ASB2: variants seen among roughly 807,000 people sequenced by gnomAD.
The protein encoded by ASB2 is ankyrin repeat and SOCS box containing 2.
A neutral mutation model predicts 62.4 loss-of-function variants in ASB2; 58 were observed. The observed-to-expected ratio is 0.93, with a 90% CI of 0.75 to 1.16. The LOEUF (loss-of-function observed/expected upper bound fraction) is 1.16, where lower values mean the gene tolerates loss of function less well. Ranked by LOEUF, ASB2 falls within the 50% of genes most tolerant of loss-of-function variation. The pLI is 0.00. For synonymous variants in ASB2, 386 were observed against 385.3 expected (o/e 1.00, Z -0.02); for missense variants, 928 against 887.9 (o/e 1.05, Z -0.57).
chr14:93,971,985 AATAACAT>A (rs1229462308), intron 1 of ASB2, among the ~76,000 whole-genome samples: 18 of 148,686 alleles, frequency 1.2e-4, no homozygotes, highest in South Asian at 2.1e-4. Context: ...ATACACACAT[AATAACAT>A]ATAACATATA....
chr14:93,952,043 T>C (rs1257899008), intron 5 of ASB2, among the ~76,000 whole-genome samples: 1 of 152,114 alleles, frequency 6.6e-6, no homozygotes, highest in Non-Finnish European at 1.5e-5. Flanking sequence ...TGTGTCCGTG[T>C]CAGTGGGAGG....
chr14:93,972,027 T>A (rs1889769560), intron 1 of ASB2, among the ~76,000 whole-genome samples: 1 of 148,176 alleles, frequency 6.7e-6, no homozygotes, highest in Non-Finnish European at 1.5e-5. Flanking sequence ...AATTATATAT[T>A]TTTATATTAA....
At chr14:93,952,074 G>A (rs945174499) in intron 5 of ASB2, among the ~76,000 whole-genome samples, 1 of 152,198 alleles carries the variant, frequency 6.6e-6, no homozygotes, top group African/African-American at 2.4e-5. Context: ...AATGGGTCAG[G>A]GAGACTGGCA....
At chr14:93,946,185 G>A (rs1440841621) in intron 7 of ASB2, among the ~76,000 whole-genome samples, 3 of 152,190 alleles carry the variant, frequency 2.0e-5, no homozygotes, top group Non-Finnish European at 4.4e-5. Context: ...CCTAGCCCTG[G>A]GGACGGGGCT....
At chr14:93,942,512 A>G (rs550258399) in intron 7 of ASB2, among the ~76,000 whole-genome samples, 1 of 152,318 alleles carries the variant, frequency 6.6e-6, no homozygotes, top group African/African-American at 2.4e-5. Flanking sequence ...ACCCACCAGT[A>G]TCTGAAGCCT....
chr14:93,951,392 G>A (rs1192450932), intron 5 of ASB2, 148 bp from the exon 6 acceptor site: 38 of 919,974 alleles, frequency 4.1e-5, no homozygotes, highest in Non-Finnish European at 4.2e-5. Context: ...CATTGAACCT[G>A]GGATAGGCGA....
At chr14:93,956,699 C>A in intron 3 of ASB2, 67 bp downstream of exon 3, 1 of 1,598,444 alleles carries the variant, frequency 6.3e-7, no homozygotes, top group East Asian at 2.2e-5. Context: ...CTGCTTCCCA[C>A]CCTCCCTGCC....
intron 2 of ASB2, among the ~76,000 whole-genome samples, chr14:93,960,933 C>T (rs1414688059): frequency 1.4e-5 from 2 of 147,790 alleles, no homozygotes; most frequent in African/African-American, 5.1e-5. Context: ...GATCCAGGCT[C>T]TAAGCTGGGC....
At chr14:93,966,380 C>T (rs1294207881) in intron 1 of ASB2, among the ~76,000 whole-genome samples, 1 of 152,198 alleles carries the variant, frequency 6.6e-6, no homozygotes, top group African/African-American at 2.4e-5. Flanking sequence ...AGAGTTATAA[C>T]AGAAAATCTG....
Position 93,956,820 on chromosome 14 carries a change from A to G in ASB2, c.257T>C (p.Phe86Ser). The G allele has an allele frequency of 6.2e-7, 1 of 1,614,196 alleles. No homozygotes were observed. The highest frequency in any genetic ancestry group is 2.2e-5 in the East Asian group (1 of 44,876). The stretch of plus-strand genomic sequence containing the variant: ...GCTGTATTTCTGCATGACCCCTTGG[A>G]ACAAGCCCATTGGGGCCCGGGCCGG... ...SSPARAPMGL[F>S]QGVMQKYSSS... is the part of the protein sequence containing the mutation. Residue 86 changes from phenylalanine to serine, a missense_variant, in exon 3 of 10, where the codon TTC (phenylalanine) becomes TCC (serine). By Grantham distance (155) the Phe-to-Ser change is radical (BLOSUM62 -2). Coordinates refer to ENST00000555019, the MANE Select transcript of ASB2 (RefSeq NM_001202429.2).
chr14:93,963,414 A>G lies in ASB2; in HGVS notation c.206+920T>C, dbSNP rs796146241. Among the ~76,000 whole-genome samples, 8 of 152,210 alleles carry G rather than the reference A, an allele frequency of 5.3e-5. 1 individual carries two copies. Among genetic ancestry groups the G allele is most frequent in the African/African-American group, 1.9e-4 (8 of 41,530 alleles). On this transcript the variant is annotated intron_variant, in intron 2 of 9. Transcript: ENST00000555019. ...GCTGGGGACGGGGGTGAGGAGCAAA[A>G]GCAATTTTATGGCTTATAGAGGTCT...
intron 3 of ASB2, 93 bp downstream of exon 3, chr14:93,956,673 C>T (rs1025935671): frequency 4.5e-6 from 7 of 1,549,294 alleles, no homozygotes; most frequent in Admixed American, 1.7e-5. Context: ...CCTCTGCCCT[C>T]CTGGGGGCTG....
intron 1 of ASB2, among the ~76,000 whole-genome samples, chr14:93,966,005 C>G (rs907424184): frequency 3.3e-5 from 5 of 152,246 alleles, no homozygotes; most frequent in African/African-American, 1.2e-4. Context: ...GCAAGTGCCC[C>G]TCTTCTGGGA....
rs568768450 is a variant in ASB2, at chr14:93,952,569, A to T, written c.634+783T>A. 4.6e-5 allele frequency among the ~76,000 whole-genome samples: 7 copies of T among 152,324 alleles called. No homozygotes were observed. In the South Asian group the frequency reaches 1.2e-3, roughly 27 times the overall value. On this transcript the variant is annotated intron_variant, in intron 5 of 9. Coordinates refer to ENST00000555019, the MANE Select transcript of ASB2 (RefSeq NM_001202429.2). ...GCTTCAGCATGTAGGCATGGACAGGATGCTTTAGAATGTAGTAGTTGAGGG... is the reference window on the plus strand; with the variant it reads ...GCTTCAGCATGTAGGCATGGACAGGTTGCTTTAGAATGTAGTAGTTGAGGG...
intron 1 of ASB2, among the ~76,000 whole-genome samples, chr14:93,971,475 A>G (rs1237946486): frequency 6.6e-6 from 1 of 152,236 alleles, no homozygotes; most frequent in Non-Finnish European, 1.5e-5. Context: ...CCATTTAGTG[A>G]GCACGTAATT....
intron 4 of ASB2, chr14:93,954,044 T>A (rs185206724): frequency 5.7e-6 from 3 of 524,434 alleles, no homozygotes; most frequent in African/African-American, 3.8e-5. Context: ...CTGGAACAAG[T>A]TGGCAGTGGT....
chr14:93,936,249 A>G (rs911409122), intron 9 of ASB2, among the ~76,000 whole-genome samples: 3 of 152,216 alleles, frequency 2.0e-5, no homozygotes, highest in African/African-American at 7.2e-5. Flanking sequence ...TTGCAGGTGG[A>G]AAGTGGGCTT....
intron 2 of ASB2, among the ~76,000 whole-genome samples, chr14:93,962,107 C>T (rs74830674): frequency 3.7e-3 from 269 of 72,890 alleles, no homozygotes; most frequent in East Asian, 6.7e-3. Context: ...ATTAAACATT[C>T]TTTTTTTTTT....
intron 8 of ASB2, among the ~76,000 whole-genome samples, chr14:93,938,622 A>T (rs911918262): frequency 3.9e-5 from 6 of 152,148 alleles, no homozygotes; most frequent in Admixed American, 6.5e-5. Context: ...ACCCTACACC[A>T]GCCTGCTCTT....
Sources: allele counts gnomAD v4.1 joint callset (sites outside exome capture counted in the v4.1 genomes callset), GRCh38; gene constraint gnomAD v4.1.1; transcripts MANE v1.5; gene names NCBI Gene and HGNC (gene_info 2026-07-23, HGNC 2026-07-21).